SSPN: variants seen among roughly 807,000 people sequenced by gnomAD.
SSPN encodes K-ras oncogene-associated protein.
In SSPN, 15 loss-of-function variants were observed where a neutral mutation model predicts 19.1. The ratio of observed to expected loss-of-function variants is 0.78; its 90% CI spans 0.52 to 1.21. The LOEUF (loss-of-function observed/expected upper bound fraction) is 1.21. SSPN is among the 50% of genes most tolerant of loss of function. SSPN has a pLI of 0.00. For missense variants in SSPN, 291 were observed against 314.0 expected (o/e 0.93, Z 0.55); for synonymous variants, 147 against 140.3 (o/e 1.05, Z -0.34).
At chr12:26,196,850 T>A (rs7969850) in intron 1 of SSPN, among the ~76,000 whole-genome samples, 31,251 of 152,200 alleles carry the variant, frequency 0.21, 3,743 homozygotes, top group African/African-American at 0.33. Flanking sequence ...CCATGCTGAT[T>A]CCTCTTTATG....
In SSPN at chr12:26,202,414, A is replaced by G. The variant is rs1027645997; in HGVS notation, c.279+6463A>G. 2.6e-5 allele frequency among the ~76,000 whole-genome samples: 4 copies of G among 152,312 alleles called. No homozygotes were observed. In the East Asian group the frequency reaches 7.7e-4, roughly 29 times the overall value. ...AGAAGAATTCAGAACATATTAACTT[A>G]ACATTACTTAGATTTTTTATTTCAT... is the stretch of plus-strand genomic sequence containing the variant. On this transcript the variant is annotated intron_variant, in intron 1 of 2. Coordinates refer to ENST00000242729, the MANE Select transcript of SSPN (RefSeq NM_005086.5).
Position 26,231,178 on chromosome 12 carries a change from A to C in SSPN, c.*102A>C. On this transcript the variant is annotated 3_prime_UTR_variant, in exon 3 of 3. Transcript: ENST00000242729. Reference sequence around the variant, plus strand: ...AAAGAAAGGAAAAAAATTGACAATAAAAGTCACTCTTCTAATTGAATATTT... The same window carrying C: ...AAAGAAAGGAAAAAAATTGACAATACAAGTCACTCTTCTAATTGAATATTT... 8.1e-6 allele frequency: 11 copies of C among 1,366,242 alleles called. No individual in the cohort carries two copies. The highest frequency in any genetic ancestry group is 1.1e-5 in the Non-Finnish European group (11 of 1,038,808). 84.6% of individuals were successfully genotyped at this position (1,366,242 alleles called of 1,614,324 possible). A position where few individuals can be genotyped will look rare whatever the true frequency, so the allele number is the denominator to read the frequency against.
At chr12:26,208,026 G>C (rs904334579) in intron 1 of SSPN, among the ~76,000 whole-genome samples, 21 of 150,594 alleles carry the variant, frequency 1.4e-4, no homozygotes, top group Non-Finnish European at 2.7e-4. Context: ...GGTGGGGGGG[G>C]GGGATATATA....
At chr12:26,147,363 C>T (rs1259279954) in intron 1 of SSPN, among the ~76,000 whole-genome samples, 1 of 151,774 alleles carries the variant, frequency 6.6e-6, no homozygotes, top group Admixed American at 6.6e-5. Flanking sequence ...ACCTCCGCCT[C>T]CCGGTTCAAG....
chr12:26,189,718 C>T (rs1944776336), intron 1 of SSPN, among the ~76,000 whole-genome samples: 1 of 152,136 alleles, frequency 6.6e-6, no homozygotes, highest in South Asian at 2.1e-4. Context: ...CCTCCTTTTT[C>T]ACCTCCTGTT....
At chr12:26,124,704 T>A (rs1278992029) in intron 1 of SSPN, 15 of 1,614,016 alleles carry the variant, frequency 9.3e-6, no homozygotes, top group Non-Finnish European at 1.3e-5. Flanking sequence ...TTCGCAAGGG[T>A]GCGTGCACCT....
chr12:26,173,057 G>A (rs1247341184), intron 1 of SSPN, among the ~76,000 whole-genome samples: 4 of 152,152 alleles, frequency 2.6e-5, no homozygotes, highest in African/African-American at 7.2e-5. Flanking sequence ...TGATCCTTCT[G>A]TTTTGTGCTG....
chr12:26,173,562 T>A (rs999559340), intron 1 of SSPN, among the ~76,000 whole-genome samples: 1 of 152,212 alleles, frequency 6.6e-6, no homozygotes, highest in Non-Finnish European at 1.5e-5. Context: ...TTCTCCTTAC[T>A]CTTATAGGTT....
rs528216745 is a variant in SSPN, at chr12:26,224,801, C to T, written c.366+422C>T. ...ACTGAGACAGAAAAAGTACATTGGG[C>T]GCATCCAAATGCTCTGTGCCAAGAC... On this transcript the variant is annotated intron_variant, in intron 2 of 2. Coordinates refer to ENST00000242729, the MANE Select transcript of SSPN (RefSeq NM_005086.5). Among the ~76,000 whole-genome samples the T allele has an allele frequency of 2.4e-4, 36 of 151,878 alleles. No individual in the cohort carries two copies. The South Asian group carries it at 2.9e-3, about 12-fold the overall frequency.
Position 26,232,865 on chromosome 12 carries a change from C to T in SSPN, c.*1789C>T, listed in dbSNP as rs182271039. 11 of 254,812 alleles carry T rather than the reference C, an allele frequency of 4.3e-5. No homozygotes were observed. Among genetic ancestry groups the T allele is most frequent in the African/African-American group, 2.7e-4 (11 of 40,128 alleles). 15.8% of individuals were successfully genotyped at this position (254,812 alleles called of 1,614,324 possible). On this transcript the variant is annotated 3_prime_UTR_variant, in exon 3 of 3. Coordinates refer to ENST00000242729, the MANE Select transcript of SSPN (RefSeq NM_005086.5). ...TAAGTCTCTGGAGCAGAATTTATCA[C>T]ACACAAAAGTTACACCAACAGAATA...
chr12:26,126,703 C>G (rs1337124364), intron 1 of SSPN: 2 of 152,350 alleles, frequency 1.3e-5, no homozygotes, highest in Admixed American at 1.3e-4. Context: ...ACGCGCACTG[C>G]GTCTGGCTTC....
chr12:26,143,354 C>T (rs1944471586), intron 1 of SSPN, among the ~76,000 whole-genome samples: 3 of 152,126 alleles, frequency 2.0e-5, no homozygotes, highest in Admixed American at 2.0e-4. Context: ...CTGTTGAATG[C>T]TTTATACACA....
At chr12:26,131,339 T>C (rs1314363214) in intron 1 of SSPN, among the ~76,000 whole-genome samples, 2 of 152,226 alleles carry the variant, frequency 1.3e-5, no homozygotes, top group Non-Finnish European at 2.9e-5. Flanking sequence ...TCCTGTAGAA[T>C]GCAAATTTCA....
At chr12:26,196,694 C>A (rs891635208) in intron 1 of SSPN, among the ~76,000 whole-genome samples, 1 of 152,198 alleles carries the variant, frequency 6.6e-6, no homozygotes, top group Non-Finnish European at 1.5e-5. Flanking sequence ...TGAATACCTA[C>A]TGTGTGCTCG....
intron 1 of SSPN, among the ~76,000 whole-genome samples, chr12:26,162,241 T>A (rs994271338): frequency 6.6e-6 from 1 of 152,206 alleles, no homozygotes; most frequent in African/African-American, 2.4e-5. Context: ...TGTTTTAACT[T>A]GAGAAAAATT....
intron 1 of SSPN, among the ~76,000 whole-genome samples, chr12:26,176,247 A>G (rs1304242005): frequency 6.6e-6 from 1 of 152,202 alleles, no homozygotes; most frequent in African/African-American, 2.4e-5. Flanking sequence ...GAATTATTCT[A>G]ATGAAATAAT....
In SSPN at chr12:26,124,721, A is replaced by G. The variant is rs201545489; in HGVS notation, c.-31+2569A>G. ...CGCAAGGGTGCGTGCACCTTACCCTATAAAATCTCTATGTTCCAGTAACTG... is the reference window on the plus strand; with the variant it reads ...CGCAAGGGTGCGTGCACCTTACCCTGTAAAATCTCTATGTTCCAGTAACTG... On this transcript the variant is annotated intron_variant, in intron 1 of 2. Coordinates refer to the SSPN transcript ENST00000538142. 1.1e-4 allele frequency: 170 copies of G among 1,614,224 alleles called. No homozygotes were observed. In the East Asian group the frequency reaches 3.0e-3, roughly 28 times the overall value.
intron 1 of SSPN, among the ~76,000 whole-genome samples, chr12:26,197,683 G>A (rs559058147): frequency 6.6e-6 from 1 of 152,266 alleles, no homozygotes; most frequent in East Asian, 1.9e-4. Flanking sequence ...AAGCTCCTGT[G>A]GGAGATGATG....
At chr12:26,194,766 C>T (rs536050793), upstream of SSPN, among the ~76,000 whole-genome samples, 6 of 152,300 alleles carry the variant, frequency 3.9e-5, no homozygotes, top group African/African-American at 1.4e-4. Flanking sequence ...GCAGCAGGAT[C>T]CCTTGAAGCC....
Sources: allele counts gnomAD v4.1 joint callset (sites outside exome capture counted in the v4.1 genomes callset), GRCh38; gene constraint gnomAD v4.1.1; transcripts MANE v1.5; gene names NCBI Gene and HGNC (gene_info 2026-07-23, HGNC 2026-07-21).